Variants in FRMPD2 observed in about 807,000 individuals in gnomAD.
FRMPD2 encodes the protein FERM and PDZ domain-containing protein 2.
In FRMPD2, 96 loss-of-function variants were observed where a neutral mutation model predicts 140.1. The observed-to-expected ratio is 0.69, with a 90% CI of 0.58 to 0.81. FRMPD2 has a LOEUF of 0.81. Ranked by LOEUF, FRMPD2 falls within the 40% of genes least tolerant of loss-of-function variation. The pLI, the probability that FRMPD2 is intolerant of heterozygous loss-of-function variation, is 0.00. For missense variants in FRMPD2, 1,240 were observed against 1,447.4 expected (o/e 0.86, Z 2.32); for synonymous variants, 449 against 547.6 (o/e 0.82, Z 2.52).
intron 20 of FRMPD2, among the ~76,000 whole-genome samples, chr10:48,183,721 G>A (rs571740215): frequency 7.2e-5 from 11 of 151,810 alleles, no homozygotes; most frequent in East Asian, 1.9e-4. Flanking sequence ...GTGTGGCAGC[G>A]CGTGCCTGTA....
chr10:48,246,698 C>A (rs940687655), intron 3 of FRMPD2, among the ~76,000 whole-genome samples: 2 of 152,216 alleles, frequency 1.3e-5, no homozygotes, highest in Admixed American at 6.5e-5. Context: ...CTCCCAGCAC[C>A]AGAACGAGGC....
At chr10:48,231,737 T>C (rs575423441) in intron 10 of FRMPD2, among the ~76,000 whole-genome samples, 3 of 152,226 alleles carry the variant, frequency 2.0e-5, no homozygotes, top group South Asian at 4.1e-4. Flanking sequence ...ACCCTTTTTC[T>C]TGGATATTTA....
chr10:48,190,040 G>C (rs1323369173), intron 16 of FRMPD2, among the ~76,000 whole-genome samples: 1 of 152,194 alleles, frequency 6.6e-6, no homozygotes, highest in African/African-American at 2.4e-5. Context: ...GCAAGTATTG[G>C]CAAAGGACTT....
rs373093167 is a variant in FRMPD2, at chr10:48,162,908, A to G, written c.3881+420T>C. Among the ~76,000 whole-genome samples the G allele has an allele frequency of 5.0e-5, 6 of 119,564 alleles. No homozygotes were observed. The South Asian group carries it at 1.1e-3, about 22-fold the overall frequency. The allele number at this position is 119,564 out of a possible 152,430, so 78.4% of individuals were successfully genotyped here. A position where few individuals can be genotyped will look rare whatever the true frequency, so the allele number is the denominator to read the frequency against. ...AATTCAGCCTGGGCAACATAGTAAG[A>G]CCCCATCTTTAAAAAAAAAAAAAAA... On this transcript the variant is annotated intron_variant, in intron 28 of 28. Coordinates refer to ENST00000374201, the MANE Select transcript of FRMPD2 (RefSeq NM_001018071.4).
chr10:48,251,104 G>C (rs1422843117), intron 2 of FRMPD2, among the ~76,000 whole-genome samples: 2 of 152,118 alleles, frequency 1.3e-5, no homozygotes, highest in East Asian at 3.9e-4. Flanking sequence ...TGCCCAGCCA[G>C]GTCTGCCTTC....
intron 6 of FRMPD2, 62 bp downstream of exon 6, chr10:48,240,298 G>T: frequency 1.3e-6 from 2 of 1,566,612 alleles, no homozygotes; most frequent in Non-Finnish European, 1.7e-6. Context: ...CCCATACAGG[G>T]CAGGAAAAAA....
intron 16 of FRMPD2, among the ~76,000 whole-genome samples, chr10:48,187,544 T>A (rs1838718699): frequency 6.6e-6 from 1 of 152,212 alleles, no homozygotes; most frequent in South Asian, 2.1e-4. Flanking sequence ...CTGAGGTAAC[T>A]CTGGCTTCAT....
Position 48,244,698 on chromosome 10 carries a change from G to A in FRMPD2, c.375+86C>T. The A allele has an allele frequency of 5.0e-6, 5 of 1,007,834 alleles. No homozygotes were observed. In the Admixed American group the frequency reaches 6.8e-5, roughly 14 times the overall value. 62.4% of individuals were successfully genotyped at this position (1,007,834 alleles called of 1,614,324 possible). On this transcript the variant is annotated intron_variant, in intron 4 of 28. Coordinates refer to ENST00000374201, the MANE Select transcript of FRMPD2 (RefSeq NM_001018071.4). ...GGGAGAGTGGCATTATGTGTGCTCA[G>A]TAAATGTGGTCCCTGCCCAGGAGAA... is the stretch of plus-strand genomic sequence containing the variant.
At chr10:48,229,097 T>C (rs1461452137) in intron 10 of FRMPD2, among the ~76,000 whole-genome samples, 1 of 152,150 alleles carries the variant, frequency 6.6e-6, no homozygotes, top group Non-Finnish European at 1.5e-5. Context: ...TATATTGCAG[T>C]ATTAGCCTCT....
chr10:48,231,719 G>T (rs548966171), intron 10 of FRMPD2, among the ~76,000 whole-genome samples: 1 of 152,316 alleles, frequency 6.6e-6, no homozygotes, highest in African/African-American at 2.4e-5. Flanking sequence ...AGGGAAGAGG[G>T]TATAGAAACC....
intron 10 of FRMPD2, among the ~76,000 whole-genome samples, chr10:48,229,411 A>G (rs1174621136): frequency 6.6e-6 from 1 of 152,124 alleles, no homozygotes; most frequent in African/African-American, 2.4e-5. Flanking sequence ...CCCAAAATCA[A>G]ATTCTAAATT....
chr10:48,248,811 T>C (rs1480561112), intron 3 of FRMPD2: 1 of 411,344 alleles, frequency 2.4e-6, no homozygotes, highest in Non-Finnish European at 4.3e-6. Context: ...AATGTAGAAA[T>C]TGGGGCTCAG....
At chr10:48,231,610 C>T (rs969819866) in intron 10 of FRMPD2, among the ~76,000 whole-genome samples, 2 of 152,198 alleles carry the variant, frequency 1.3e-5, no homozygotes, top group African/African-American at 4.8e-5. Flanking sequence ...CAATCTCCTG[C>T]TAATTCCCAA....
At chr10:48,246,841 C>A (rs560315943) in intron 3 of FRMPD2, among the ~76,000 whole-genome samples, 1 of 152,352 alleles carries the variant, frequency 6.6e-6, no homozygotes, top group Admixed American at 6.5e-5. Context: ...TGGAAAAGAA[C>A]AGTGATGAAC....
rs756353290 is a variant in FRMPD2 at position 48,192,854 on chromosome 10, T to C, written c.1995A>G (p.Ala665=). The part of the protein sequence containing the change: ...KFVQMANLSP[A]HQARSKPLIW... The stretch of plus-strand genomic sequence containing the variant: ...TGAGAGGCTTAGACCGGGCCTGGTG[T>C]GCAGGACTCAAATTGGCCATTTGCA... Residue 665 remains alanine, a synonymous_variant, in exon 16 of 29, where the codon GCA becomes GCG. Coordinates refer to ENST00000374201, the MANE Select transcript of FRMPD2 (RefSeq NM_001018071.4). 1.6e-5 allele frequency: 26 copies of C among 1,614,020 alleles called. No homozygotes were observed. Among genetic ancestry groups the C allele is most frequent in the Non-Finnish European group, 2.2e-5 (26 of 1,180,034 alleles).
intron 10 of FRMPD2, among the ~76,000 whole-genome samples, chr10:48,231,724 G>A (rs567589650): frequency 3.9e-5 from 6 of 152,326 alleles, no homozygotes; most frequent in Non-Finnish European, 8.8e-5. Context: ...AGAGGGTATA[G>A]AAACCCTTTT....
At chr10:48,238,216 G>T (rs1002050555) in intron 7 of FRMPD2, 93 bp from the exon 8 acceptor site, 17 of 1,328,676 alleles carry the variant, frequency 1.3e-5, no homozygotes, top group Non-Finnish European at 1.8e-5. Flanking sequence ...AGTTGGGCAG[G>T]GTGCACCCAC....
At chr10:48,168,217 G>A (rs1838150697) in intron 27 of FRMPD2, among the ~76,000 whole-genome samples, 1 of 116,878 alleles carries the variant, frequency 8.6e-6, no homozygotes, top group Non-Finnish European at 1.7e-5. Context: ...GCTTTAGGAG[G>A]GTAATCATAT....
chr10:48,183,306 C>T (rs1055682738), intron 20 of FRMPD2, among the ~76,000 whole-genome samples: 2 of 152,070 alleles, frequency 1.3e-5, no homozygotes, highest in Non-Finnish European at 2.9e-5. Context: ...ACAGGATCAC[C>T]CAACCAAAAA....
Sources: allele counts gnomAD v4.1 joint callset (sites outside exome capture counted in the v4.1 genomes callset), GRCh38; gene constraint gnomAD v4.1.1; transcripts MANE v1.5; gene names NCBI Gene and HGNC (gene_info 2026-07-23, HGNC 2026-07-21).